SAMD5: variants seen among roughly 807,000 people sequenced by gnomAD.
The protein encoded by SAMD5 is sterile alpha motif domain-containing protein 5.
SAMD5 carries 13 observed loss-of-function variants against 11.3 expected under a neutral mutation model. That is an observed-to-expected ratio of 1.15 (90% CI 0.75 to 1.83). The LOEUF (loss-of-function observed/expected upper bound fraction) is 1.83, where lower values mean the gene tolerates loss of function less well. SAMD5 is among the 40% of genes most tolerant of loss of function. SAMD5 has a pLI of 0.00. For synonymous variants in SAMD5, 129 were observed against 111.3 expected (o/e 1.16, Z -1.00); for missense variants, 255 against 239.1 (o/e 1.07, Z -0.44).
At chr6:147,559,789 T>C (rs1169757105) in intron 1 of SAMD5, among the ~76,000 whole-genome samples, 2 of 152,180 alleles carry the variant, frequency 1.3e-5, no homozygotes, top group African/African-American at 4.8e-5. Context: ...AAATGTACCC[T>C]AGAAAACTCT....
chr6:147,610,154 C>T (rs756916817), intron 1 of SAMD5, among the ~76,000 whole-genome samples: 4 of 152,108 alleles, frequency 2.6e-5, no homozygotes, highest in South Asian at 2.1e-4. Context: ...TTACACTGTG[C>T]GTGTTCAGGT....
rs558525297 is a variant in SAMD5 at position 147,672,574 on chromosome 6, A to G, written c.163-64743A>G. ...GTATATTTTTATCCAGGAAATGTTT[A>G]ACATAGTTAAATAAATCAATAGCAA... On this transcript the variant is annotated intron_variant, in intron 1 of 1. Coordinates refer to the SAMD5 transcript ENST00000566741. Among the ~76,000 whole-genome samples, 224 of 152,266 alleles carry G rather than the reference A, an allele frequency of 1.5e-3. 1 individual carries two copies. Among genetic ancestry groups the G allele is most frequent in the Non-Finnish European group, 2.9e-3 (194 of 68,014 alleles).
the SAMD5 span, among the ~76,000 whole-genome samples, chr6:147,780,130 A>G: frequency 1.3e-5 from 2 of 151,926 alleles, no homozygotes; most frequent in African/African-American, 2.4e-5. Context: ...GTCTCATTCA[A>G]TTTTATTTTT....
the SAMD5 span, among the ~76,000 whole-genome samples, chr6:147,941,640 A>G: frequency 6.6e-6 from 1 of 152,184 alleles, no homozygotes. Context: ...ACAGTATCAA[A>G]ACAACCTGTG....
intron 1 of SAMD5, among the ~76,000 whole-genome samples, chr6:147,676,968 A>G (rs1257638173): frequency 6.6e-6 from 1 of 152,166 alleles, no homozygotes; most frequent in Non-Finnish European, 1.5e-5. Context: ...AAATAAAATT[A>G]GCATATAAAT....
chr6:147,855,627 G>A, the SAMD5 span, among the ~76,000 whole-genome samples: 1 of 152,070 alleles, frequency 6.6e-6, no homozygotes. Flanking sequence ...TATAGTTTAA[G>A]CAGCAAATAT....
the SAMD5 span, among the ~76,000 whole-genome samples, chr6:147,945,281 T>C: frequency 0.77 from 117,342 of 151,968 alleles, 45,853 homozygotes; most frequent in Non-Finnish European, 0.84. Flanking sequence ...GCTCAAGATA[T>C]CCACAGCCAG....
chr6:147,740,496 T>C (rs115033658), downstream of SAMD5, among the ~76,000 whole-genome samples: 4,851 of 152,280 alleles, frequency 0.032, 214 homozygotes, highest in African/African-American at 0.099. Flanking sequence ...AGGTGCTTCA[T>C]TTTAGCTAAA....
chr6:147,567,072 G>A lies in SAMD5; in HGVS notation c.*2616G>A, dbSNP rs115685488. On this transcript the variant is annotated 3_prime_UTR_variant, in exon 2 of 2. Coordinates refer to ENST00000367474, the MANE Select transcript of SAMD5 (RefSeq NM_001030060.3). ...AGAGATTAATTACAGACTTTCACTT[G>A]ATAATATTGAGGAGTCTGGAGGGTC... The A allele has an allele frequency of 2.4e-4, 232 of 969,712 alleles. 1 individual carries two copies. The African/African-American group carries it at 4.0e-3, about 17-fold the overall frequency. 60.1% of individuals were successfully genotyped at this position (969,712 alleles called of 1,614,324 possible).
intron 1 of SAMD5, among the ~76,000 whole-genome samples, chr6:147,629,011 C>G (rs9497831): frequency 0.062 from 9,508 of 152,158 alleles, 978 homozygotes; most frequent in African/African-American, 0.22. Context: ...TGAACCTAGG[C>G]TGGGCGCAGT....
At chr6:147,860,035 C>A in the SAMD5 span, among the ~76,000 whole-genome samples, 1 of 152,112 alleles carries the variant, frequency 6.6e-6, no homozygotes, top group Admixed American at 6.5e-5. Flanking sequence ...GATTGGGTGG[C>A]TTAAGACAGC....
the SAMD5 span, among the ~76,000 whole-genome samples, chr6:147,762,832 T>C: frequency 6.6e-6 from 1 of 152,180 alleles, no homozygotes; most frequent in Non-Finnish European, 1.5e-5. Flanking sequence ...TTAGGTGATG[T>C]GATGGGTACA....
Position 147,565,432 on chromosome 6 carries a change from C to T in SAMD5, c.*976C>T, listed in dbSNP as rs1789021399. 4 of 983,012 alleles carry T rather than the reference C, an allele frequency of 4.1e-6. No individual in the cohort carries two copies. Among genetic ancestry groups the T allele is most frequent in the Non-Finnish European group, 4.8e-6 (4 of 828,760 alleles). The allele number at this position is 983,012 out of a possible 1,614,324, so 60.9% of individuals were successfully genotyped here. A position where few individuals can be genotyped will look rare whatever the true frequency, so the allele number is the denominator to read the frequency against. ...AATCTAGAGTTTTTCTAATTCTTAT[C>T]GTCTTATCGTTCTTGTGTTTGGATG... is the stretch of plus-strand genomic sequence containing the variant. On this transcript the variant is annotated 3_prime_UTR_variant, in exon 2 of 2. Coordinates refer to ENST00000367474, the MANE Select transcript of SAMD5 (RefSeq NM_001030060.3).
chr6:147,631,578 A>G (rs988929654), intron 1 of SAMD5, among the ~76,000 whole-genome samples: 1 of 152,180 alleles, frequency 6.6e-6, no homozygotes, highest in African/African-American at 2.4e-5. Context: ...ATGGAACTGT[A>G]TAGAGGTGGG....
the SAMD5 span, among the ~76,000 whole-genome samples, chr6:147,904,133 G>A: frequency 6.6e-6 from 1 of 152,216 alleles, no homozygotes; most frequent in Non-Finnish European, 1.5e-5. Flanking sequence ...TCATCCTTCT[G>A]TGGCACTAAC....
intron 1 of SAMD5, among the ~76,000 whole-genome samples, chr6:147,658,369 G>C (rs1243827415): frequency 6.6e-6 from 1 of 151,966 alleles, no homozygotes; most frequent in Admixed American, 6.6e-5. Context: ...ATGTGGAATT[G>C]TGTCTTTTTG....
chr6:147,803,821 C>G, the SAMD5 span, among the ~76,000 whole-genome samples: 2 of 152,170 alleles, frequency 1.3e-5, no homozygotes, highest in Non-Finnish European at 2.9e-5. Flanking sequence ...CTTCCTCCAG[C>G]CTTTGTTACT....
At chr6:147,864,816 T>C in the SAMD5 span, among the ~76,000 whole-genome samples, 5 of 152,330 alleles carry the variant, frequency 3.3e-5, no homozygotes, top group African/African-American at 1.2e-4. Flanking sequence ...TGATATGTGA[T>C]GCCTCCTAAT....
chr6:147,585,132 G>A (rs1346009719), intron 1 of SAMD5, among the ~76,000 whole-genome samples: 5 of 152,146 alleles, frequency 3.3e-5, no homozygotes, highest in Non-Finnish European at 1.5e-5. Flanking sequence ...GTGTGTCGGG[G>A]CAGGCAAAAG....
Sources: allele counts gnomAD v4.1 joint callset (sites outside exome capture counted in the v4.1 genomes callset), GRCh38; gene constraint gnomAD v4.1.1; transcripts MANE v1.5; gene names NCBI Gene and HGNC (gene_info 2026-07-23, HGNC 2026-07-21).